PCDHA8: variants seen among roughly 807,000 people sequenced by gnomAD.
PCDHA8 encodes the protein protocadherin alpha 8.
In PCDHA8, 53 loss-of-function variants were observed where a neutral mutation model predicts 61.8. That is an observed-to-expected ratio of 0.86 (90% CI 0.69 to 1.08). The LOEUF is 1.08. Ranked by LOEUF, PCDHA8 falls within the 50% of genes least tolerant of loss-of-function variation. The pLI is 0.00. For missense variants in PCDHA8, 1,293 were observed against 1,245.0 expected (o/e 1.04, Z -0.58); for synonymous variants, 618 against 556.6 (o/e 1.11, Z -1.55).
rs1777709784 is a variant in PCDHA8, at chr5:140,842,102, G to C, written c.781G>C (p.Val261Leu). 1.9e-6 allele frequency: 3 copies of C among 1,613,894 alleles called. No individual in the cohort carries two copies. The highest frequency in any genetic ancestry group is 4.5e-5 in the East Asian group (2 of 44,884). ...CGAAAACGCAGACAACGGAACAACA[G>C]TTATCAAACTGAATGCTTCTGATCC... ...IFENADNGTTVIKLNASDPDE... is the reference protein window; with the variant it reads ...IFENADNGTTLIKLNASDPDE... The change falls in exon 1 of 4, where the codon GTT (valine) becomes CTT (leucine). Residue 261 changes from valine to leucine, a missense_variant. Val to Leu is a conservative substitution (Grantham distance 32). Coordinates refer to ENST00000531613, the MANE Select transcript of PCDHA8 (RefSeq NM_018911.3).
chr5:140,876,728 C>G (rs200398819), intron 1 of PCDHA8: 4 of 1,614,244 alleles, frequency 2.5e-6, no homozygotes, highest in African/African-American at 2.7e-5. Flanking sequence ...GAGAGCGTGT[C>G]GGCCTATGAG....
rs2084561103 is a variant in PCDHA8 at position 140,927,726 on chromosome 5, A to G, written c.2395-51223A>G. On this transcript the variant is annotated intron_variant, in intron 1 of 3. Transcript: ENST00000531613. ...ACTCCCTAAGCAACAGCACGCAAGCAGAGCTGCGACACCGCTTTCACGTGC... is the reference window on the plus strand; with the variant it reads ...ACTCCCTAAGCAACAGCACGCAAGCGGAGCTGCGACACCGCTTTCACGTGC... 6 of 1,614,220 alleles carry G rather than the reference A, an allele frequency of 3.7e-6. No individual in the cohort carries two copies. The African/African-American group carries it at 8.0e-5, about 22-fold the overall frequency.
At chr5:140,850,454 C>T (rs2150484793) in intron 1 of PCDHA8, 2 of 1,597,838 alleles carry the variant, frequency 1.3e-6, no homozygotes, top group Admixed American at 1.7e-5. Context: ...TGGTGAAAGA[C>T]CACGGGGAGC....
chr5:140,849,738 C>T (rs1562459111), intron 1 of PCDHA8: 4 of 1,598,360 alleles, frequency 2.5e-6, no homozygotes, highest in East Asian at 2.2e-5. Flanking sequence ...AGCTCTGGAC[C>T]GCGAGAGTGT....
intron 1 of PCDHA8, among the ~76,000 whole-genome samples, chr5:140,944,956 A>T (rs2093715486): frequency 6.6e-6 from 1 of 152,140 alleles, no homozygotes; most frequent in Non-Finnish European, 1.5e-5. Context: ...GAATAAGAGT[A>T]TTATCTTAAC....
chr5:140,841,663 G>A lies in PCDHA8; in HGVS notation c.342G>A (p.Leu114=). The change falls in exon 1 of 4, where the codon CTG becomes CTA. Residue 114 remains leucine (L), a synonymous_variant. Transcript: ENST00000531613. ...TGGAGGTGATCGTGGACAGGCCGCT[G>A]CAGGTTTTCCATGTGGACGTGGAGG... The part of the protein sequence containing the change: ...IHLEVIVDRP[L]QVFHVDVEVK... 2.5e-6 allele frequency: 4 copies of A among 1,614,102 alleles called. No homozygotes were observed. The highest frequency in any genetic ancestry group is 3.4e-6 in the Non-Finnish European group (4 of 1,179,974).
chr5:140,969,585 T>A (rs2096344806), intron 1 of PCDHA8: 1 of 896,450 alleles, frequency 1.1e-6, no homozygotes, highest in Admixed American at 3.0e-5. Flanking sequence ...TGAGGATTAG[T>A]CTTAATATTT....
intron 1 of PCDHA8, chr5:140,883,268 T>G: frequency 6.2e-7 from 1 of 1,614,030 alleles, no homozygotes; most frequent in Non-Finnish European, 8.5e-7. Flanking sequence ...GGCGGGTCAT[T>G]GTACCCTTTT....
intron 1 of PCDHA8, among the ~76,000 whole-genome samples, chr5:140,904,137 G>A (rs2070857554): frequency 6.6e-6 from 1 of 152,040 alleles, no homozygotes; most frequent in African/African-American, 2.4e-5. Context: ...CATCACCCGA[G>A]CAGTATACAT....
chr5:140,955,452 G>C (rs921510611), intron 1 of PCDHA8, among the ~76,000 whole-genome samples: 3 of 152,024 alleles, frequency 2.0e-5, no homozygotes, highest in Non-Finnish European at 4.4e-5. Context: ...TTTTATAAGG[G>C]CTTTTTCCTT....
intron 1 of PCDHA8, chr5:140,877,379 TC>T (rs1169435329): frequency 1.9e-6 from 3 of 1,613,950 alleles, no homozygotes. Flanking sequence ...ACGACACGCA[TC>T]CTGGATGAGG....
rs2041387990 is a variant in PCDHA8, at chr5:140,850,164, G to T, written c.2394+6449G>T. On this transcript the variant is annotated intron_variant, in intron 1 of 3. Transcript: ENST00000531613. ...CGTGACGCTGCAGGTGTTCGTGCTGGACGAGAACGACAATGCGCCGGCGCT... is the reference window on the plus strand; with the variant it reads ...CGTGACGCTGCAGGTGTTCGTGCTGTACGAGAACGACAATGCGCCGGCGCT... 7 of 1,594,758 alleles carry T rather than the reference G, an allele frequency of 4.4e-6. 1 individual carries two copies. Among genetic ancestry groups the T allele is most frequent in the Non-Finnish European group, 6.0e-6 (7 of 1,167,800 alleles).
chr5:140,891,568 A>G (rs1448026659), intron 1 of PCDHA8, among the ~76,000 whole-genome samples: 1 of 151,646 alleles, frequency 6.6e-6, no homozygotes, highest in Non-Finnish European at 1.5e-5. Flanking sequence ...CTCTAATTAA[A>G]CATATTTTAA....
chr5:140,938,698 T>C (rs1430283682), intron 1 of PCDHA8, among the ~76,000 whole-genome samples: 1 of 152,194 alleles, frequency 6.6e-6, no homozygotes, highest in East Asian at 1.9e-4. Context: ...TTTTTAAATA[T>C]ATGTTTATGA....
rs1554138538 is a variant in PCDHA8 at position 140,841,798 on chromosome 5, T to C, written c.477T>C (p.Asp159=). 1.2e-6 allele frequency: 2 copies of C among 1,613,930 alleles called. No homozygotes were observed. The highest frequency in any genetic ancestry group is 2.2e-5 in the East Asian group (1 of 44,886). Reference sequence around the variant, plus strand: ...GGTTTCCGCTAGAGGGCGCGTCCGATGCAGATGTTGGAGCTAACTCCGTGT... The same window carrying C: ...GGTTTCCGCTAGAGGGCGCGTCCGACGCAGATGTTGGAGCTAACTCCGTGT... The part of the protein sequence containing the change: ...DSRFPLEGAS[D]ADVGANSVLT... Residue 159 remains aspartate, a synonymous_variant, in exon 1 of 4, where the codon GAT becomes GAC. Transcript: ENST00000531613.
At chr5:140,873,007 C>A (rs1363151505) in intron 1 of PCDHA8, among the ~76,000 whole-genome samples, 1 of 152,206 alleles carries the variant, frequency 6.6e-6, no homozygotes, top group Admixed American at 6.5e-5. Context: ...AGTCATTCTT[C>A]ATATTTAGTT....
rs533097473 is a variant in PCDHA8 at position 140,902,214 on chromosome 5, T to C, written c.2394+58499T>C. ...CTCTCTCTCTCTTTCTTTTTTTTTT[T>C]TTTTTTTGAGATGAGGACTTGCTTT... On this transcript the variant is annotated intron_variant, in intron 1 of 3. Coordinates refer to ENST00000531613, the MANE Select transcript of PCDHA8 (RefSeq NM_018911.3). Among the ~76,000 whole-genome samples the C allele has an allele frequency of 1.3e-3, 198 of 150,584 alleles. 6 individuals are homozygous for C. The South Asian group carries it at 0.04, about 30-fold the overall frequency.
chr5:140,857,774 G>A (rs554890390), intron 1 of PCDHA8: 8 of 1,597,758 alleles, frequency 5.0e-6, no homozygotes, highest in Admixed American at 1.7e-5. Context: ...GGGCGGTGCA[G>A]TCAGTGAGCT....
At chr5:140,988,545 T>C (rs1164667441) in intron 3 of PCDHA8, among the ~76,000 whole-genome samples, 1 of 152,150 alleles carries the variant, frequency 6.6e-6, no homozygotes, top group African/African-American at 2.4e-5. Context: ...ATTCATGACT[T>C]TCTTCATCTT....
Sources: allele counts gnomAD v4.1 joint callset (sites outside exome capture counted in the v4.1 genomes callset), GRCh38; gene constraint gnomAD v4.1.1; transcripts MANE v1.5; gene names NCBI Gene and HGNC (gene_info 2026-07-23, HGNC 2026-07-21).